Variants in PIK3AP1 observed in about 807,000 individuals in gnomAD.
PIK3AP1 encodes phosphoinositide 3-kinase adapter protein 1.
Under a neutral mutation model 88.1 loss-of-function variants are expected in PIK3AP1, and 21 were observed. The ratio of observed to expected loss-of-function variants is 0.24; its 90% confidence interval spans 0.17 to 0.34. The LOEUF is 0.34. Among genes scored for constraint, PIK3AP1 ranks in the 10% least tolerant of loss-of-function variants. The probability of loss-of-function intolerance (pLI) is 1.00; values close to 1 mark genes in which losing one functional copy is unlikely to be tolerated. For missense variants in PIK3AP1, 828 were observed against 1,035.7 expected (o/e 0.80, Z 2.75); for synonymous variants, 398 against 400.0 (o/e 1.00, Z 0.06).
intron 2 of PIK3AP1, among the ~76,000 whole-genome samples, chr10:96,702,197 A>T (rs1467047675): frequency 1.3e-5 from 2 of 152,206 alleles, no homozygotes; most frequent in Non-Finnish European, 1.5e-5. Flanking sequence ...TTGAACTTTC[A>T]GTTTTAAGAT....
In PIK3AP1 at chr10:96,670,591, A is replaced by G. The variant is rs146318236; in HGVS notation, c.431-13657T>C. ...CTGGGCCACAAGAAACACCTTCTAT[A>G]TGGGGGAAGGGCTGTGTGAGAGGGG... On this transcript the variant is annotated intron_variant, in intron 2 of 16. Coordinates refer to ENST00000339364, the MANE Select transcript of PIK3AP1 (RefSeq NM_152309.3). Among the ~76,000 whole-genome samples the G allele has an allele frequency of 3.7e-3, 557 of 152,238 alleles. 2 individuals carry two copies. Among genetic ancestry groups the G allele is most frequent in the Middle Eastern group, 0.017 (5 of 294 alleles).
At position 96,650,231 on chromosome 10, in the gene PIK3AP1, G is replaced by A. The variant is rs116112928; in HGVS notation, c.988+1017C>T. On this transcript the variant is annotated intron_variant, in intron 6 of 16. Coordinates refer to ENST00000339364, the MANE Select transcript of PIK3AP1 (RefSeq NM_152309.3). Reference sequence around the variant, plus strand: ...AGAGAGTCCCCCAGGAGAAGGCCTCGAAAGTCATGTAAACTCACCCTTATG... The same window carrying A: ...AGAGAGTCCCCCAGGAGAAGGCCTCAAAAGTCATGTAAACTCACCCTTATG... 6.1e-3 allele frequency among the ~76,000 whole-genome samples: 928 copies of A among 152,278 alleles called. 10 individuals are homozygous for A. The highest frequency in any genetic ancestry group is 0.021 in the African/African-American group (858 of 41,544).
chr10:96,642,344 T>C (rs1214767930), intron 8 of PIK3AP1, among the ~76,000 whole-genome samples: 2 of 150,112 alleles, frequency 1.3e-5, no homozygotes, highest in Non-Finnish European at 3.0e-5. Context: ...GAGGATGGCT[T>C]GAGCTGGGGA....
intron 2 of PIK3AP1, among the ~76,000 whole-genome samples, chr10:96,694,513 G>A (rs1266074351): frequency 4.5e-5 from 4 of 88,872 alleles, no homozygotes; most frequent in African/African-American, 4.4e-5. Flanking sequence ...CCTCCCCTTC[G>A]CTTCCCTTCT....
intron 14 of PIK3AP1, among the ~76,000 whole-genome samples, chr10:96,606,639 AG>A (rs951895271): frequency 2.0e-5 from 3 of 152,296 alleles, no homozygotes; most frequent in African/African-American, 7.2e-5. Context: ...CACACTTGCC[AG>A]GGGGAAGGGG....
intron 13 of PIK3AP1, among the ~76,000 whole-genome samples, chr10:96,611,971 A>G (rs562976854): frequency 6.6e-6 from 1 of 152,362 alleles, no homozygotes; most frequent in Non-Finnish European, 1.5e-5. Flanking sequence ...TGCTAGGAAT[A>G]GTTATCATGA....
At chr10:96,633,550 A>G (rs887815031) in intron 8 of PIK3AP1, among the ~76,000 whole-genome samples, 2 of 152,102 alleles carry the variant, frequency 1.3e-5, no homozygotes, top group African/African-American at 2.4e-5. Flanking sequence ...TGCTGAAGGA[A>G]TGCTAGCTAC....
At chr10:96,687,173 G>A (rs983089789) in intron 2 of PIK3AP1, among the ~76,000 whole-genome samples, 2 of 146,002 alleles carry the variant, frequency 1.4e-5, no homozygotes, top group African/African-American at 5.1e-5. Flanking sequence ...GGAGAATAGT[G>A]TGAACCCGGG....
Position 96,644,356 on chromosome 10 carries a change from T to C in PIK3AP1, c.1375+1117A>G, listed in dbSNP as rs541658788. 1.4e-4 allele frequency among the ~76,000 whole-genome samples: 22 copies of C among 152,368 alleles called. 1 individual carries two copies. The South Asian group carries it at 4.3e-3, about 30-fold the overall frequency. Reference sequence around the variant, plus strand: ...ATACCTATGTGTATATTTCTACATATCTGTGTATATGTACAAGTATGTCTG... The same window carrying C: ...ATACCTATGTGTATATTTCTACATACCTGTGTATATGTACAAGTATGTCTG... On this transcript the variant is annotated intron_variant, in intron 8 of 16. Transcript: ENST00000339364.
intron 2 of PIK3AP1, among the ~76,000 whole-genome samples, chr10:96,679,202 TTG>T (rs1186681643): frequency 6.6e-6 from 1 of 152,198 alleles, no homozygotes; most frequent in African/African-American, 2.4e-5. Flanking sequence ...AGCTCCCTTC[TTG>T]AGTCTACTCC....
intron 8 of PIK3AP1, among the ~76,000 whole-genome samples, chr10:96,642,668 C>A (rs1490037659): frequency 6.6e-6 from 1 of 152,182 alleles, no homozygotes; most frequent in African/African-American, 2.4e-5. Context: ...TCACAAGTTG[C>A]CAGTTGGCTA....
At chr10:96,632,818 G>T (rs770310246) in intron 8 of PIK3AP1, 1 of 1,561,544 alleles carries the variant, frequency 6.4e-7, no homozygotes, top group Non-Finnish European at 8.7e-7. Flanking sequence ...ACTTCTGGCT[G>T]TATTGACTAC....
chr10:96,675,075 C>T (rs566882877), intron 2 of PIK3AP1, among the ~76,000 whole-genome samples: 112 of 152,136 alleles, frequency 7.4e-4, no homozygotes, highest in African/African-American at 2.5e-3. Flanking sequence ...GTATTTTTAG[C>T]AGAGATGGGT....
At chr10:96,626,629 C>A (rs1168543532) in intron 10 of PIK3AP1, 79 bp downstream of exon 10, 1 of 1,478,836 alleles carries the variant, frequency 6.8e-7, no homozygotes, top group East Asian at 2.4e-5. Flanking sequence ...AGCAATGGTT[C>A]AAAAAGCCAG....
chr10:96,681,385 T>C (rs1843997296), intron 2 of PIK3AP1, among the ~76,000 whole-genome samples: 1 of 152,232 alleles, frequency 6.6e-6, no homozygotes, highest in Non-Finnish European at 1.5e-5. Context: ...AAATGTGATG[T>C]CTGACTTCTG....
chr10:96,698,525 T>G (rs965674283), intron 2 of PIK3AP1, among the ~76,000 whole-genome samples: 1 of 151,710 alleles, frequency 6.6e-6, no homozygotes, highest in Non-Finnish European at 1.5e-5. Context: ...AAAACTAAAC[T>G]AAACCAAACT....
intron 2 of PIK3AP1, among the ~76,000 whole-genome samples, chr10:96,705,128 A>G (rs1844345251): frequency 6.6e-6 from 1 of 152,218 alleles, no homozygotes; most frequent in Non-Finnish European, 1.5e-5. Context: ...AGGGTTACAT[A>G]AATTATAAAG....
rs745782914 is a variant in PIK3AP1, at chr10:96,660,478, A to C, written c.431-3544T>G. On this transcript the variant is annotated intron_variant, in intron 2 of 16. Coordinates refer to ENST00000339364, the MANE Select transcript of PIK3AP1 (RefSeq NM_152309.3). Reference sequence around the variant, plus strand: ...AGAAGCGAGAACACTGACAACACCAAATGCTGGTCAGGAAGTGGAGCAACA... The same window carrying C: ...AGAAGCGAGAACACTGACAACACCACATGCTGGTCAGGAAGTGGAGCAACA... Among the ~76,000 whole-genome samples the C allele has an allele frequency of 1.9e-4, 29 of 152,284 alleles. 1 individual carries two copies. In the Middle Eastern group the frequency reaches 0.01, roughly 54 times the overall value.
chr10:96,599,054 G>C (rs1848835274), intron 16 of PIK3AP1, among the ~76,000 whole-genome samples: 1 of 152,228 alleles, frequency 6.6e-6, no homozygotes, highest in South Asian at 2.1e-4. Context: ...GGAGTGACTG[G>C]AGGAAGGGAG....
Sources: gnomAD v4.1 joint callset for allele counts (sites outside exome capture counted in the v4.1 genomes callset) on GRCh38, gnomAD v4.1.1 for gene constraint, MANE v1.5 for transcripts, NCBI Gene and HGNC (gene_info 2026-07-23, HGNC 2026-07-21) for gene names.